Variants in PRICKLE1 observed in about 807,000 individuals in gnomAD.
The protein encoded by PRICKLE1 is prickle-like protein 1.
PRICKLE1 carries 14 observed loss-of-function variants against 70.2 expected under a neutral mutation model. The observed-to-expected ratio is 0.20, with a 90% CI of 0.13 to 0.31. The LOEUF is 0.31. PRICKLE1 is among the 10% of genes least tolerant of loss of function. The pLI, the probability that PRICKLE1 is intolerant of heterozygous loss-of-function variation, is 1.00. For missense variants in PRICKLE1, 821 were observed against 1,026.2 expected, an observed-to-expected ratio of 0.80 and a Z score of 2.73; for synonymous variants, 357 against 379.9, an observed-to-expected ratio of 0.94 and a Z score of 0.70.
chr12:42,549,041 C>A (rs1481509112), intron 1 of PRICKLE1, among the ~76,000 whole-genome samples: 1 of 149,798 alleles, frequency 6.7e-6, no homozygotes, highest in Non-Finnish European at 1.5e-5. Context: ...ATCGCTTGAA[C>A]CTGGGAGGCA....
intron 1 of PRICKLE1, among the ~76,000 whole-genome samples, chr12:42,551,472 T>A (rs1490694059): frequency 6.6e-6 from 1 of 152,144 alleles, no homozygotes; most frequent in Non-Finnish European, 1.5e-5. Context: ...TGCTAGCAGA[T>A]GTGGAGGGTC....
chr12:42,514,408 C>CT (rs143664259), intron 1 of PRICKLE1, among the ~76,000 whole-genome samples: 14,968 of 151,706 alleles, frequency 0.099, 1,091 homozygotes, highest in African/African-American at 0.18. Flanking sequence ...AGATCATCAT[C>CT]TTTTTTTTTG....
intron 1 of PRICKLE1, among the ~76,000 whole-genome samples, 193 bp from the exon 2 acceptor site, chr12:42,472,757 A>G (rs1938377095): frequency 6.6e-6 from 1 of 152,184 alleles, no homozygotes; most frequent in South Asian, 2.1e-4. Flanking sequence ...ATTTGGTAGT[A>G]GTCTCTTTGC....
chr12:42,511,552 T>C (rs1455061683), intron 1 of PRICKLE1, among the ~76,000 whole-genome samples: 4 of 152,162 alleles, frequency 2.6e-5, no homozygotes. Context: ...CCTTGTTTGT[T>C]TAACTTCCCT....
At chr12:42,587,909 C>CA (rs1293983353) in intron 1 of PRICKLE1, among the ~76,000 whole-genome samples, 13 of 152,192 alleles carry the variant, frequency 8.5e-5, no homozygotes, top group African/African-American at 3.1e-4. Flanking sequence ...ATGCTCAATT[C>CA]AAAATGTATC....
chr12:42,499,057 T>C (rs1288551951), intron 1 of PRICKLE1, among the ~76,000 whole-genome samples: 3 of 152,206 alleles, frequency 2.0e-5, no homozygotes, highest in Non-Finnish European at 2.9e-5. Context: ...TCTTTGGTGA[T>C]AGATTGAGTA....
intron 1 of PRICKLE1, among the ~76,000 whole-genome samples, chr12:42,560,705 A>T (rs1940496272): frequency 6.6e-6 from 1 of 150,692 alleles, no homozygotes; most frequent in African/African-American, 2.4e-5. Flanking sequence ...ACAAGGGTGG[A>T]TGTGCATCTA....
chr12:42,571,595 T>C (rs1327290209), intron 1 of PRICKLE1, among the ~76,000 whole-genome samples: 1 of 152,224 alleles, frequency 6.6e-6, no homozygotes, highest in Non-Finnish European at 1.5e-5. Context: ...TGATGACTTT[T>C]CAGACCCACC....
rs1566072934 is a variant in PRICKLE1 at position 42,457,906 on chromosome 12, G to C, written c.*1903C>G. 1.3e-5 allele frequency: 2 copies of C among 152,272 alleles called. No homozygotes were observed. The allele number at this position is 152,272 out of a possible 1,614,324, so 9.4% of individuals were successfully genotyped here. A position where few individuals can be genotyped will look rare whatever the true frequency, so the allele number is the denominator to read the frequency against. On this transcript the variant is annotated 3_prime_UTR_variant, in exon 8 of 8. Coordinates refer to ENST00000345127, the MANE Select transcript of PRICKLE1 (RefSeq NM_153026.3). Reference sequence around the variant, plus strand: ...GGATGAAGAATGGAAAGGAGATGCTGTCTCTGACTTTTGCCCTATTTGAAT... The same window carrying C: ...GGATGAAGAATGGAAAGGAGATGCTCTCTCTGACTTTTGCCCTATTTGAAT...
intron 1 of PRICKLE1, chr12:42,490,020 T>C (rs1298903046): frequency 6.6e-6 from 1 of 152,164 alleles, no homozygotes; most frequent in Non-Finnish European, 1.5e-5. Flanking sequence ...TTCTGTATCT[T>C]GATTTATTCC....
chr12:42,457,169 C>T lies in PRICKLE1; in HGVS notation c.*2640G>A, dbSNP rs1459186644. 7.8e-6 allele frequency: 1 copy of T among 128,602 alleles called. No homozygotes were observed. The highest frequency in any genetic ancestry group is 2.2e-4 in the East Asian group (1 of 4,470). The allele number at this position is 128,602 out of a possible 1,614,324, so 8.0% of individuals were successfully genotyped here. On this transcript the variant is annotated 3_prime_UTR_variant, in exon 8 of 8. Transcript: ENST00000345127. ...TCCAGCCTGGGCAACAGGAGCGAAA[C>T]TCCATCTCAAAAAAAAAAAAAAAAG...
At chr12:42,530,972 T>G (rs1035164711) in intron 1 of PRICKLE1, among the ~76,000 whole-genome samples, 1 of 143,240 alleles carries the variant, frequency 7.0e-6, no homozygotes, top group Non-Finnish European at 1.5e-5. Flanking sequence ...TGCCCAGCCA[T>G]CAGATTAATT....
chr12:42,580,531 ATTGTT>A (rs1441097955), intron 1 of PRICKLE1, among the ~76,000 whole-genome samples: 1 of 152,196 alleles, frequency 6.6e-6, no homozygotes, highest in Non-Finnish European at 1.5e-5. Flanking sequence ...AATTATGCTC[ATTGTT>A]TTAAATTGGG....
chr12:42,501,530 AG>A lies in PRICKLE1; in HGVS notation c.-48-28967del, dbSNP rs1555234032. ...TCTCAAAAAAAAAAAAAAAAAAAAA[AG>A]AAAAGAAAAGAGGAGAGCAAATTCC... On this transcript the variant is annotated intron_variant, in intron 1 of 7. Transcript: ENST00000345127. 5.2e-3 allele frequency among the ~76,000 whole-genome samples: 420 copies of A among 80,750 alleles called. 12 individuals are homozygous for A. Among genetic ancestry groups the A allele is most frequent in the African/African-American group, 0.026 (311 of 11,900 alleles). The allele number at this position is 80,750 out of a possible 152,430, so 53.0% of individuals were successfully genotyped here.
Position 42,464,226 on chromosome 12 carries a change from GC to G in PRICKLE1, c.1639+168del, listed in dbSNP as rs1356597761. ...AGTAGAGCCGCGGTTTCGCCATGTT[GC>G]CTGGGCTGGTCTCGAACTCCTGACC... On this transcript the variant is annotated intron_variant, in intron 7 of 7. Transcript: ENST00000345127. This position sits in a 1 kb window ranked among gnomAD's most constrained non-coding sequence, Gnocchi z 4.2. 6.6e-6 allele frequency among the ~76,000 whole-genome samples: 1 copy of G among 152,100 alleles called. No homozygotes were observed. The highest frequency in any genetic ancestry group is 1.9e-4 in the East Asian group (1 of 5,186).
In PRICKLE1 at chr12:42,464,627, A is replaced by T. The variant is rs1476348131; in HGVS notation, c.1407T>A (p.Ser469=). 6.2e-7 allele frequency: 1 copy of T among 1,613,980 alleles called. No homozygotes were observed. The highest frequency in any genetic ancestry group is 2.2e-5 in the East Asian group (1 of 44,858). ...NQSLASKKYQ[S]DMYWAQSQDG... ...CTTGTGACTGTGCCCAGTACATATC[A>T]GACTGGTATTTTTTACTTGCAAGGC... Residue 469 remains serine (S), a synonymous_variant, in exon 7 of 8, where the codon TCT becomes TCA. Coordinates refer to ENST00000345127, the MANE Select transcript of PRICKLE1 (RefSeq NM_153026.3). This position sits in a 1 kb window ranked among gnomAD's most constrained non-coding sequence, Gnocchi z 4.2.
chr12:42,559,636 T>TG (rs149270923), intron 1 of PRICKLE1, among the ~76,000 whole-genome samples: 24 of 88,188 alleles, frequency 2.7e-4, no homozygotes, highest in South Asian at 8.9e-4. Flanking sequence ...TTTTTTTTTT[T>TG]GGGGGGGGTA....
Position 42,468,733 on chromosome 12 carries a change from A to C in PRICKLE1, c.481T>G (p.Cys161Gly). The change falls in exon 5 of 8, where the codon TGT becomes GGT. Residue 161 changes from cysteine (C) to glycine (G), a missense_variant. Coordinates refer to ENST00000345127, the MANE Select transcript of PRICKLE1 (RefSeq NM_153026.3). ...WHPSCFVCFT[C>G]NELLVDLIYF... ...ATGAGGTCGACCAGCAGCTCATTAC[A>C]CGTGAAACAGACAAAACAGGATGGG... 6.2e-7 allele frequency: 1 copy of C among 1,614,178 alleles called. No individual in the cohort carries two copies. Among genetic ancestry groups the C allele is most frequent in the African/African-American group, 1.3e-5 (1 of 75,018 alleles).
At chr12:42,521,819 G>A (rs1939712955) in intron 1 of PRICKLE1, among the ~76,000 whole-genome samples, 1 of 152,096 alleles carries the variant, frequency 6.6e-6, no homozygotes, top group African/African-American at 2.4e-5. Context: ...TGAAGAACAT[G>A]TCTACATAAA....
Sources: gnomAD v4.1 joint callset for allele counts (sites outside exome capture counted in the v4.1 genomes callset) on GRCh38, gnomAD v4.1.1 for gene constraint, Gnocchi (gnomAD v3.1) non-coding constraint, MANE v1.5 for transcripts, NCBI Gene and HGNC (gene_info 2026-07-23, HGNC 2026-07-21) for gene names.